The following FGFR1OP2 variants were observed in gnomAD, a reference collection of about 807,000 sequenced individuals.
The protein encoded by FGFR1OP2 is FGFR1 oncogene partner 2.
A neutral mutation model predicts 35.2 loss-of-function variants in FGFR1OP2; 17 were observed. The observed-to-expected ratio is 0.48, with a 90% confidence interval of 0.33 to 0.73. The LOEUF (loss-of-function observed/expected upper bound fraction) is 0.73. FGFR1OP2 is among the 30% of genes least tolerant of loss of function. The pLI is 0.02. For missense variants in FGFR1OP2, 251 were observed against 307.3 expected, an observed-to-expected ratio of 0.82 and a Z score of 1.37; for synonymous variants, 105 against 104.6, an observed-to-expected ratio of 1.00 and a Z score of -0.03.
chr12:26,948,325 A>G (rs1202991747), intron 1 of FGFR1OP2, among the ~76,000 whole-genome samples: 1 of 152,168 alleles, frequency 6.6e-6, no homozygotes, highest in Non-Finnish European at 1.5e-5. Flanking sequence ...AGTATTCTTT[A>G]TAATAAGTCT....
intron 1 of FGFR1OP2, among the ~76,000 whole-genome samples, chr12:26,951,160 T>C (rs12229415): frequency 6.7e-6 from 1 of 150,190 alleles, no homozygotes; most frequent in African/African-American, 2.5e-5. Context: ...TTTTTTTTTT[T>C]CTTTTTTTGA....
Position 26,963,428 on chromosome 12 carries a change from G to C in FGFR1OP2, c.597G>C (p.Lys199Asn). The change falls in exon 6 of 7, where the codon AAG becomes AAC. Residue 199 changes from lysine to asparagine, a missense_variant. By Grantham distance (94) the Lys-to-Asn change is moderately conservative. Coordinates refer to ENST00000229395, the MANE Select transcript of FGFR1OP2 (RefSeq NM_015633.3). ...AAATTGACGAGCAACAGGGTTGCAA[G>C]GAACAAGAACGAATATTTCAACTTG... Reference protein sequence around the residue: ...AIEIDEQQGCKEQERIFQLEQ... With the variant: ...AIEIDEQQGCNEQERIFQLEQ... The C allele has an allele frequency of 6.2e-7, 1 of 1,604,304 alleles. No homozygotes were observed.
chr12:26,964,190 A>T (rs1300583078), intron 6 of FGFR1OP2, among the ~76,000 whole-genome samples: 1 of 152,106 alleles, frequency 6.6e-6, no homozygotes, highest in Non-Finnish European at 1.5e-5. Flanking sequence ...AACTTGTCCT[A>T]CATTCCATGC....
intron 1 of FGFR1OP2, chr12:26,953,507 AC>A (rs752063929): frequency 2.0e-5 from 3 of 152,196 alleles, no homozygotes; most frequent in Non-Finnish European, 4.4e-5. Context: ...TCCTGTAATT[AC>A]CAGTTTTGTC....
At chr12:26,946,830 C>G (rs1938831241) in intron 1 of FGFR1OP2, among the ~76,000 whole-genome samples, 1 of 152,204 alleles carries the variant, frequency 6.6e-6, no homozygotes, top group Non-Finnish European at 1.5e-5. Context: ...TCCCATTCCT[C>G]CTTCCTTTTC....
chr12:26,941,857 T>C (rs372378085), intron 1 of FGFR1OP2, among the ~76,000 whole-genome samples: 29 of 152,342 alleles, frequency 1.9e-4, no homozygotes, highest in African/African-American at 5.3e-4. Context: ...AGAACTTACT[T>C]TTTTTCGTTT....
intron 1 of FGFR1OP2, among the ~76,000 whole-genome samples, chr12:26,945,826 A>G (rs1302381936): frequency 6.7e-6 from 1 of 148,504 alleles, no homozygotes; most frequent in Non-Finnish European, 1.5e-5. Context: ...GTGCCATCGC[A>G]CTCCAGCCTG....
intron 1 of FGFR1OP2, among the ~76,000 whole-genome samples, chr12:26,940,038 A>G (rs708161): frequency 0.29 from 44,635 of 152,128 alleles, 6,613 homozygotes; most frequent in Middle Eastern, 0.37. Context: ...GAAAACTACT[A>G]TGCTTTTAAA....
At chr12:26,961,575 A>G (rs986838648) in intron 5 of FGFR1OP2, 1 of 152,190 alleles carries the variant, frequency 6.6e-6, no homozygotes, top group Non-Finnish European at 1.5e-5. Context: ...CATCTCTACT[A>G]AAAATACAAA....
intron 4 of FGFR1OP2, among the ~76,000 whole-genome samples, chr12:26,958,456 A>G (rs997764673): frequency 8.5e-5 from 13 of 152,218 alleles, no homozygotes; most frequent in African/African-American, 3.1e-4. Context: ...ACCTTTTTTA[A>G]AATCTGAAAG....
intron 1 of FGFR1OP2, among the ~76,000 whole-genome samples, chr12:26,951,039 G>GTT (rs568528295): frequency 0.012 from 1,890 of 152,308 alleles, 18 homozygotes; most frequent in Non-Finnish European, 0.022. Flanking sequence ...GTAACATGAG[G>GTT]TTTAAAGACC....
intron 1 of FGFR1OP2, among the ~76,000 whole-genome samples, chr12:26,949,046 A>G (rs574766928): frequency 6.6e-6 from 1 of 152,304 alleles, no homozygotes; most frequent in East Asian, 1.9e-4. Flanking sequence ...ATATTTCTAA[A>G]CCATGGAGAG....
chr12:26,963,496 T>A, intron 6 of FGFR1OP2, 41 bp downstream of exon 6: 3 of 1,302,762 alleles, frequency 2.3e-6, no homozygotes, highest in Non-Finnish European at 3.2e-6. Context: ...ACTGTCCATA[T>A]AAAGATTTAT....
chr12:26,945,059 A>T (rs1371068784), intron 1 of FGFR1OP2, among the ~76,000 whole-genome samples: 3 of 152,150 alleles, frequency 2.0e-5, no homozygotes, highest in African/African-American at 7.2e-5. Context: ...GTGATGTCTC[A>T]TCTTTCCTGA....
At chr12:26,953,072 C>A (rs1178826910) in intron 1 of FGFR1OP2, among the ~76,000 whole-genome samples, 3 of 151,804 alleles carry the variant, frequency 2.0e-5, no homozygotes, top group Admixed American at 2.0e-4. Context: ...ACCATCCTGG[C>A]TAACACAGTG....
chr12:26,941,592 C>G (rs1938735269), intron 1 of FGFR1OP2, among the ~76,000 whole-genome samples: 1 of 152,154 alleles, frequency 6.6e-6, no homozygotes, highest in African/African-American at 2.4e-5. Flanking sequence ...ATTATGCAAT[C>G]TGGAGAGGAG....
chr12:26,955,079 G>A (rs903590806), intron 2 of FGFR1OP2, among the ~76,000 whole-genome samples: 12 of 152,118 alleles, frequency 7.9e-5, no homozygotes, highest in African/African-American at 2.9e-4. Context: ...CAACTGTGTT[G>A]CCCTAAACAG....
At chr12:26,963,845 A>T (rs998247396) in intron 6 of FGFR1OP2, among the ~76,000 whole-genome samples, 9 of 152,126 alleles carry the variant, frequency 5.9e-5, no homozygotes, top group Non-Finnish European at 1.0e-4. Flanking sequence ...AACCTTTGTC[A>T]TCTGTCCTTT....
At chr12:26,944,254 CT>C (rs1220113767) in intron 1 of FGFR1OP2, among the ~76,000 whole-genome samples, 8 of 152,132 alleles carry the variant, frequency 5.3e-5, no homozygotes, top group African/African-American at 1.9e-4. Flanking sequence ...CTTTTCCAGC[CT>C]GTATGGTTTT....
Sources: gnomAD v4.1 joint callset for allele counts (sites outside exome capture counted in the v4.1 genomes callset) on GRCh38, gnomAD v4.1.1 for gene constraint, MANE v1.5 for transcripts, NCBI Gene and HGNC (gene_info 2026-07-23, HGNC 2026-07-21) for gene names.